The following SYNE2 variants were observed in gnomAD, a reference collection of about 807,000 sequenced individuals.
SYNE2 encodes the protein nesprin-2.
SYNE2 carries 431 observed loss-of-function variants against 856.3 expected under a neutral mutation model. The observed-to-expected ratio is 0.50, with a 90% CI of 0.47 to 0.55. SYNE2 has a LOEUF of 0.55. Ranked by LOEUF, SYNE2 falls within the 20% of genes least tolerant of loss-of-function variation. The pLI, the probability that SYNE2 is intolerant of heterozygous loss-of-function variation, is 0.00. For synonymous variants in SYNE2, 2,923 were observed against 2,872.3 expected, an observed-to-expected ratio of 1.02 and a Z score of -0.56; for missense variants, 8,129 against 8,023.2, an observed-to-expected ratio of 1.01 and a Z score of -0.50.
chr14:63,988,029 A>G (rs1443489746), intron 19 of SYNE2, among the ~76,000 whole-genome samples: 3 of 152,226 alleles, frequency 2.0e-5, no homozygotes, highest in African/African-American at 4.8e-5. Context: ...AACTGAGTCT[A>G]TCTTAATCCT....
chr14:64,108,250 G>T (rs2097783914), intron 65 of SYNE2, among the ~76,000 whole-genome samples: 2 of 152,172 alleles, frequency 1.3e-5, no homozygotes, highest in South Asian at 4.1e-4. Context: ...TACTCAAGAG[G>T]CTGAGACAGG....
At chr14:64,104,489 G>A (rs1265926480) in intron 64 of SYNE2, among the ~76,000 whole-genome samples, 12 of 130,810 alleles carry the variant, frequency 9.2e-5, no homozygotes, top group Middle Eastern at 5.0e-3. Flanking sequence ...TCGATCTGTC[G>A]CCCAGGCTGG....
At chr14:64,069,135 G>A (rs769270894) in intron 51 of SYNE2, among the ~76,000 whole-genome samples, 13 of 152,164 alleles carry the variant, frequency 8.5e-5, no homozygotes, top group Non-Finnish European at 1.3e-4. Context: ...AGTTTCTGGT[G>A]TGTAAGCACC....
chr14:64,060,615 G>A (rs977183413), intron 49 of SYNE2, among the ~76,000 whole-genome samples: 2 of 152,134 alleles, frequency 1.3e-5, no homozygotes, highest in Non-Finnish European at 2.9e-5. Context: ...GGTTGGAGGA[G>A]GGGTAATTCC....
intron 1 of SYNE2, among the ~76,000 whole-genome samples, chr14:63,815,818 T>G (rs901469807): frequency 3.3e-5 from 5 of 152,138 alleles, no homozygotes; most frequent in African/African-American, 1.2e-4. Context: ...TTACAAGATA[T>G]GCTTCAAGCC....
chr14:63,879,375 G>A (rs1204169648), intron 1 of SYNE2, among the ~76,000 whole-genome samples: 2 of 152,200 alleles, frequency 1.3e-5, no homozygotes, highest in East Asian at 3.8e-4. Flanking sequence ...CTTGAACTGT[G>A]GGTAGACTAA....
At chr14:63,782,283 G>A (rs1448492893) in intron 1 of SYNE2, among the ~76,000 whole-genome samples, 1 of 152,000 alleles carries the variant, frequency 6.6e-6, no homozygotes, top group African/African-American at 2.4e-5. Flanking sequence ...AGACCAGCCT[G>A]GCTAAAATGG....
upstream of SYNE2, among the ~76,000 whole-genome samples, chr14:63,850,155 T>TA (rs1159718668): frequency 2.0e-5 from 3 of 151,040 alleles, no homozygotes; most frequent in Non-Finnish European, 4.4e-5. Flanking sequence ...GATCTCGGCT[T>TA]ACTGCAATCT....
chr14:64,043,780 G>A (rs61984124), intron 45 of SYNE2, among the ~76,000 whole-genome samples: 42 of 152,334 alleles, frequency 2.8e-4, no homozygotes, highest in Non-Finnish European at 4.1e-4. Flanking sequence ...AGTTTGCTAC[G>A]GGGGCGGGGC....
chr14:63,847,544 T>C (rs1195401646), intron 1 of SYNE2, among the ~76,000 whole-genome samples: 1 of 152,138 alleles, frequency 6.6e-6, no homozygotes, highest in African/African-American at 2.4e-5. Flanking sequence ...CCAATTTTCA[T>C]TGCTGACTCC....
rs2096314110 is a variant in SYNE2, at chr14:63,961,514, G to T, written c.788-11G>T. Reference sequence around the variant, plus strand: ...TGTAACAGCTAATTGATAGTGTGGTGTATCTTGCAGATGTGGATGTTGTTG... The same window carrying T: ...TGTAACAGCTAATTGATAGTGTGGTTTATCTTGCAGATGTGGATGTTGTTG... On this transcript the variant is annotated splice_polypyrimidine_tract_variant and intron_variant, in intron 8 of 115. Transcript: ENST00000555002. 3 of 1,603,132 alleles carry T rather than the reference G, an allele frequency of 1.9e-6. No homozygotes were observed. The highest frequency in any genetic ancestry group is 1.7e-6 in the Non-Finnish European group (2 of 1,170,506).
At chr14:64,200,137 TAGA>T (rs1372862058) in intron 99 of SYNE2, among the ~76,000 whole-genome samples, 5 of 152,208 alleles carry the variant, frequency 3.3e-5, no homozygotes, top group Non-Finnish European at 7.3e-5. Flanking sequence ...TGCTTTAAGT[TAGA>T]AGAGAGGAAA....
rs556280812 is a variant in SYNE2 at position 64,113,502 on chromosome 14, G to A, written c.12771G>A (p.Val4257=). ...AGCTGTGGCTGCAACAAGCCAACGT[G>A]GCAGTTGAGCCGGAAACATTAAACG... ...ELELWLQQAN[V]AVEPETLNAD... Residue 4257 remains valine, a synonymous_variant, in exon 66 of 116, where the codon GTG becomes GTA. Coordinates refer to ENST00000555002, the MANE Select transcript of SYNE2 (RefSeq NM_182914.3). The A allele has an allele frequency of 4.6e-5, 74 of 1,614,102 alleles. No individual in the cohort carries two copies. In the East Asian group the frequency reaches 1.4e-3, roughly 32 times the overall value.
intron 6 of SYNE2, among the ~76,000 whole-genome samples, chr14:63,948,600 G>A (rs1437153521): frequency 2.0e-5 from 3 of 150,266 alleles, no homozygotes. Flanking sequence ...GGCGGAGGTT[G>A]CAGTGAGCCG....
chr14:64,097,468 A>G (rs17101659), intron 61 of SYNE2, among the ~76,000 whole-genome samples: 14,513 of 152,308 alleles, frequency 0.095, 970 homozygotes, highest in African/African-American at 0.19. Flanking sequence ...CTGGAGAGAC[A>G]TGGGAACATG....
At chr14:64,115,809 A>G (rs2153660103) in intron 66 of SYNE2, among the ~76,000 whole-genome samples, 1 of 152,284 alleles carries the variant, frequency 6.6e-6, no homozygotes, top group East Asian at 1.9e-4. Context: ...GGTCTGTAAA[A>G]ACACAAAATT....
intron 1 of SYNE2, among the ~76,000 whole-genome samples, chr14:63,773,340 C>T (rs775789915): frequency 2.7e-4 from 41 of 151,874 alleles, no homozygotes; most frequent in Non-Finnish European, 5.1e-4. Context: ...GCTGGTACCA[C>T]GGGTGCACAC....
In SYNE2 at chr14:64,073,332, G is replaced by T. The variant is rs552092853; in HGVS notation, c.10698-636G>T. On this transcript the variant is annotated intron_variant, in intron 52 of 115. Transcript: ENST00000555002. ...GAACTAAAGATGCTCCTATCACTCA[G>T]GAAATTACAAAGGGCTTAGGAGCTC... Among the ~76,000 whole-genome samples, 4 of 152,206 alleles carry T rather than the reference G, an allele frequency of 2.6e-5. No individual in the cohort carries two copies. The East Asian group carries it at 7.7e-4, about 29-fold the overall frequency.
intron 98 of SYNE2, 187 bp downstream of exon 98, chr14:64,188,895 G>T (rs954272672): frequency 1.4e-6 from 1 of 722,362 alleles, no homozygotes; most frequent in South Asian, 1.5e-5. Flanking sequence ...CAGAGAGATG[G>T]GAGTGTGAGA....
Sources: allele counts gnomAD v4.1 joint callset (sites outside exome capture counted in the v4.1 genomes callset), GRCh38; gene constraint gnomAD v4.1.1; transcripts MANE v1.5; gene names NCBI Gene and HGNC (gene_info 2026-07-23, HGNC 2026-07-21).